SRPK2: variants seen among roughly 807,000 people sequenced by gnomAD.
SRPK2 encodes the protein SRSF protein kinase 2, also known as SFRS protein kinase 2.
Under a neutral mutation model 90.8 loss-of-function variants are expected in SRPK2, and 21 were observed. That is an observed-to-expected ratio of 0.23 (90% CI 0.16 to 0.33). The LOEUF is 0.33. Ranked by LOEUF, SRPK2 falls within the 10% of genes least tolerant of loss-of-function variation. SRPK2 has a pLI of 1.00. For synonymous variants in SRPK2, 288 were observed against 311.1 expected (o/e 0.93, Z 0.78); for missense variants, 620 against 869.0 (o/e 0.71, Z 3.60).
At chr7:105,197,166 G>GT (rs892441047) in intron 3 of SRPK2, among the ~76,000 whole-genome samples, 1 of 152,140 alleles carries the variant, frequency 6.6e-6, no homozygotes, top group African/African-American at 2.4e-5. Context: ...AGTAAATTTT[G>GT]TGAGTTATTA....
chr7:105,127,898 G>A (rs751031510), intron 13 of SRPK2, among the ~76,000 whole-genome samples: 3 of 152,198 alleles, frequency 2.0e-5, no homozygotes, highest in East Asian at 1.9e-4. Context: ...TATTCTGAAC[G>A]GATCTTGCTG....
intron 3 of SRPK2, among the ~76,000 whole-genome samples, chr7:105,198,063 G>A (rs1027407868): frequency 5.9e-5 from 9 of 152,220 alleles, no homozygotes; most frequent in Admixed American, 1.3e-4. Context: ...TATATTGCAC[G>A]TATAGTATGA....
chr7:105,277,188 T>C (rs1454143258), intron 2 of SRPK2, among the ~76,000 whole-genome samples: 2 of 152,122 alleles, frequency 1.3e-5, no homozygotes, highest in African/African-American at 4.8e-5. Context: ...ACCAGTCTCC[T>C]GTCTCAGCCT....
rs189369727 is a variant in SRPK2 at position 105,140,856 on chromosome 7, G to A, written c.1543+1152C>T. Reference sequence around the variant, plus strand: ...CGCGCCTATAATCCCAGCTACTCAGGAGGCTGGGGCGGGAGAATCGCTTGA... The same window carrying A: ...CGCGCCTATAATCCCAGCTACTCAGAAGGCTGGGGCGGGAGAATCGCTTGA... On this transcript the variant is annotated intron_variant, in intron 11 of 15. Transcript: ENST00000393651. Among the ~76,000 whole-genome samples the A allele has an allele frequency of 6.4e-3, 966 of 152,046 alleles. 4 individuals carry two copies. The highest frequency in any genetic ancestry group is 0.011 in the Non-Finnish European group (746 of 67,986).
rs75301078 is a variant in SRPK2, at chr7:105,354,285, A to T, written c.71+34363T>A. On this transcript the variant is annotated intron_variant, in intron 2 of 15. Transcript: ENST00000393651. ...TTCTGTCCAGGACAGCTATGGGGCA[A>T]ATTCCACCTTATCCTTAAGACTCAC... is the stretch of plus-strand genomic sequence containing the variant. Among the ~76,000 whole-genome samples the T allele has an allele frequency of 4.7e-3, 710 of 152,250 alleles. 11 individuals carry two copies. In the East Asian group the frequency reaches 0.055, roughly 12 times the overall value.
Position 105,280,204 on chromosome 7 carries a change from C to G in SRPK2, c.72-76419G>C, listed in dbSNP as rs565899422. On this transcript the variant is annotated intron_variant, in intron 2 of 15. Transcript: ENST00000393651. Reference sequence around the variant, plus strand: ...CTGAAGTGGGCAGATTGCTTCAGGTCAGAAGTTCGAAACCAGCCTGGATAA... The same window carrying G: ...CTGAAGTGGGCAGATTGCTTCAGGTGAGAAGTTCGAAACCAGCCTGGATAA... Among the ~76,000 whole-genome samples, 5 of 152,116 alleles carry G rather than the reference C, an allele frequency of 3.3e-5. No homozygotes were observed. The South Asian group carries it at 1.0e-3, about 32-fold the overall frequency.
chr7:105,116,360 T>A (rs545699765), downstream of SRPK2: 1 of 152,434 alleles, frequency 6.6e-6, no homozygotes, highest in South Asian at 2.1e-4. Context: ...TATAGGGCAA[T>A]GACCAAGGCA....
At chr7:105,280,657 G>C (rs1242948871) in intron 2 of SRPK2, among the ~76,000 whole-genome samples, 1 of 26,582 alleles carries the variant, frequency 3.8e-5, no homozygotes, top group East Asian at 5.1e-4. Flanking sequence ...TTAAAAAAAA[G>C]GGGGGGGGGG....
At chr7:105,175,034 A>G (rs1350820710) in intron 3 of SRPK2, among the ~76,000 whole-genome samples, 1 of 152,022 alleles carries the variant, frequency 6.6e-6, no homozygotes, top group South Asian at 2.1e-4. Flanking sequence ...AGTCCCAGCT[A>G]TTTGGGATGA....
At chr7:105,270,050 G>A (rs1185681116) in intron 2 of SRPK2, among the ~76,000 whole-genome samples, 1 of 152,040 alleles carries the variant, frequency 6.6e-6, no homozygotes, top group African/African-American at 2.4e-5. Context: ...AAGATGTAAA[G>A]GAAAAAGGAA....
At chr7:105,335,831 C>T (rs544945018) in intron 2 of SRPK2, among the ~76,000 whole-genome samples, 1 of 151,982 alleles carries the variant, frequency 6.6e-6, no homozygotes, top group South Asian at 2.1e-4. Flanking sequence ...TGGCAGGCAC[C>T]TGTAATCCCA....
At chr7:105,172,399 G>A (rs567052600) in intron 3 of SRPK2, among the ~76,000 whole-genome samples, 1 of 152,306 alleles carries the variant, frequency 6.6e-6, no homozygotes, top group South Asian at 2.1e-4. Flanking sequence ...TTTGAGAAAC[G>A]CAGTGTTGAA....
intron 2 of SRPK2, among the ~76,000 whole-genome samples, chr7:105,329,950 G>A (rs920879759): frequency 3.3e-5 from 5 of 151,766 alleles, no homozygotes; most frequent in African/African-American, 4.8e-5. Context: ...CAGGAGAATC[G>A]CTTGAACACA....
At chr7:105,313,042 G>A (rs985547429) in intron 2 of SRPK2, among the ~76,000 whole-genome samples, 1 of 152,090 alleles carries the variant, frequency 6.6e-6, no homozygotes, top group Non-Finnish European at 1.5e-5. Context: ...ATGAATGTAG[G>A]CAATGGTCAG....
In SRPK2 at chr7:105,141,997, G is replaced by A; in HGVS notation, c.1543+11C>T. The A allele has an allele frequency of 6.3e-7, 1 of 1,596,334 alleles. No homozygotes were observed. The highest frequency in any genetic ancestry group is 1.1e-5 in the South Asian group (1 of 88,710). ...AGCGATGGCAGACAGTTGATGGGAA[G>A]AAACACTTACCTTTTGGCAAATCCC... On this transcript the variant is annotated intron_variant, in intron 11 of 15. Transcript: ENST00000393651.
intron 3 of SRPK2, among the ~76,000 whole-genome samples, chr7:105,185,613 T>A (rs1793479963): frequency 6.6e-6 from 1 of 152,138 alleles, no homozygotes; most frequent in Non-Finnish European, 1.5e-5. Flanking sequence ...AAATTCTTAA[T>A]TATTCTAAAA....
intron 2 of SRPK2, among the ~76,000 whole-genome samples, chr7:105,372,528 A>T (rs10261782): frequency 2.6e-5 from 4 of 151,964 alleles, no homozygotes; most frequent in Non-Finnish European, 5.9e-5. Context: ...CATACACAAC[A>T]ACCAAATAAA....
intron 2 of SRPK2, among the ~76,000 whole-genome samples, chr7:105,225,527 A>C (rs1323136090): frequency 6.6e-6 from 1 of 152,214 alleles, no homozygotes; most frequent in East Asian, 1.9e-4. Context: ...ACTCCCAACA[A>C]AACCACTTTT....
chr7:105,226,273 A>G (rs959195470), intron 2 of SRPK2, among the ~76,000 whole-genome samples: 1 of 151,968 alleles, frequency 6.6e-6, no homozygotes, highest in African/African-American at 2.4e-5. Context: ...AACGCACTAT[A>G]TATGTGCTCA....
Sources: gnomAD v4.1 joint callset for allele counts (sites outside exome capture counted in the v4.1 genomes callset) on GRCh38, gnomAD v4.1.1 for gene constraint, MANE v1.5 for transcripts, NCBI Gene and HGNC (gene_info 2026-07-23, HGNC 2026-07-21) for gene names.